The following PTPN1 variants were observed in gnomAD, a reference collection of about 807,000 sequenced individuals.
PTPN1 encodes protein tyrosine phosphatase non-receptor type 1, also known as tyrosine-protein phosphatase non-receptor type 1.
A neutral mutation model predicts 59.9 loss-of-function variants in PTPN1; 12 were observed. The ratio of observed to expected loss-of-function variants is 0.20; its 90% confidence interval spans 0.13 to 0.32. PTPN1 has a LOEUF of 0.32. PTPN1 is among the 10% of genes least tolerant of loss of function. The probability of loss-of-function intolerance (pLI) is 1.00; values close to 1 mark genes in which losing one functional copy is unlikely to be tolerated. For missense variants in PTPN1, 356 were observed against 549.2 expected (o/e 0.65, Z 3.52); for synonymous variants, 178 against 203.6 (o/e 0.87, Z 1.07).
intron 1 of PTPN1, among the ~76,000 whole-genome samples, chr20:50,522,752 T>C (rs1404169613): frequency 6.6e-6 from 1 of 152,022 alleles, no homozygotes. Flanking sequence ...AAGGTATTTG[T>C]ATTTATTTAT....
chr20:50,531,628 C>A (rs1480357334), intron 1 of PTPN1, among the ~76,000 whole-genome samples: 1 of 152,220 alleles, frequency 6.6e-6, no homozygotes, highest in Non-Finnish European at 1.5e-5. Flanking sequence ...CTGTCTGCCT[C>A]AGCCTCCCAA....
At chr20:50,561,956 T>C (rs1489894312) in intron 2 of PTPN1, among the ~76,000 whole-genome samples, 1 of 152,232 alleles carries the variant, frequency 6.6e-6, no homozygotes, top group Admixed American at 6.5e-5. Flanking sequence ...TTTCCTGCTG[T>C]TAGTTCTTCC....
At chr20:50,526,931 G>GA (rs1163919558) in intron 1 of PTPN1, among the ~76,000 whole-genome samples, 5 of 152,082 alleles carry the variant, frequency 3.3e-5, no homozygotes, top group Admixed American at 6.6e-5. Context: ...TGAGCCCCTA[G>GA]AAATCCAGTC....
At chr20:50,533,180 C>T (rs939181125) in intron 1 of PTPN1, among the ~76,000 whole-genome samples, 1 of 152,074 alleles carries the variant, frequency 6.6e-6, no homozygotes, top group Admixed American at 6.6e-5. Context: ...TTATTACATA[C>T]TAATTTTGCT....
rs1428994210 is a variant in PTPN1, at chr20:50,519,025, TGACA to T, written c.63+8437_63+8440del. Among the ~76,000 whole-genome samples, 4 of 152,342 alleles carry T rather than the reference TGACA, an allele frequency of 2.6e-5. No individual in the cohort carries two copies. In the East Asian group the frequency reaches 7.7e-4, roughly 29 times the overall value. ...TTCTAAATATTCCTTCATGTCTTAC[TGACA>T]GTTTTTCTTGAATAAATCTTAGGAA... On this transcript the variant is annotated intron_variant, in intron 1 of 9. Transcript: ENST00000371621.
chr20:50,517,194 C>T (rs1045985727), intron 1 of PTPN1, among the ~76,000 whole-genome samples: 6 of 152,196 alleles, frequency 3.9e-5, no homozygotes, highest in Non-Finnish European at 8.8e-5. Flanking sequence ...ACAAGTCACA[C>T]TACTACAAAT....
intron 1 of PTPN1, among the ~76,000 whole-genome samples, chr20:50,528,736 TA>T (rs766874557): frequency 0.034 from 3,876 of 115,278 alleles, 53 homozygotes; most frequent in African/African-American, 0.047. Flanking sequence ...GACTCCATCT[TA>T]AAAAAAAAAA....
intron 3 of PTPN1, among the ~76,000 whole-genome samples, chr20:50,566,017 C>T (rs538283188): frequency 6.6e-6 from 1 of 152,266 alleles, no homozygotes; most frequent in South Asian, 2.1e-4. Flanking sequence ...AAAATCAGCC[C>T]AGATGCTTCT....
intron 3 of PTPN1, among the ~76,000 whole-genome samples, chr20:50,567,030 A>C (rs185027367): frequency 6.6e-6 from 1 of 152,298 alleles, no homozygotes; most frequent in East Asian, 1.9e-4. Context: ...TGTCTTGTTC[A>C]GGTAGTAAGT....
chr20:50,572,336 T>C (rs988136781), intron 4 of PTPN1: 5 of 152,204 alleles, frequency 3.3e-5, no homozygotes, highest in African/African-American at 1.2e-4. Flanking sequence ...CTTTTAAAAA[T>C]TTTGTGTGTT....
Position 50,585,131 on chromosome 20 carries a change from C to T in PTPN1, c.*2416C>T, listed in dbSNP as rs2082894021. 1 of 152,176 alleles carries T rather than the reference C, an allele frequency of 6.6e-6. No individual in the cohort carries two copies. Among genetic ancestry groups the T allele is most frequent in the African/African-American group, 2.4e-5 (1 of 41,428 alleles). The allele number at this position is 152,176 out of a possible 1,614,324, so 9.4% of individuals were successfully genotyped here. On this transcript the variant is annotated 3_prime_UTR_variant, in exon 10 of 10. Transcript: ENST00000371621. Reference sequence around the variant, plus strand: ...AATTACCTGTAAGACACAATGGTTACCACATCTCAGTACGTAAAGTCCACT... The same window carrying T: ...AATTACCTGTAAGACACAATGGTTATCACATCTCAGTACGTAAAGTCCACT...
chr20:50,580,043 G>C lies in PTPN1; in HGVS notation c.1088+117G>C, dbSNP rs759238022. Reference sequence around the variant, plus strand: ...CCTCCTGTTGGCAAGCAGCGCTTCCGCATCCTTGGGGAACAGGGCGCGTGG... The same window carrying C: ...CCTCCTGTTGGCAAGCAGCGCTTCCCCATCCTTGGGGAACAGGGCGCGTGG... On this transcript the variant is annotated intron_variant, in intron 8 of 9. Transcript: ENST00000371621. 11 of 935,174 alleles carry C rather than the reference G, an allele frequency of 1.2e-5. No homozygotes were observed. The East Asian group carries it at 1.6e-4, about 13-fold the overall frequency. The allele number at this position is 935,174 out of a possible 1,614,324, so 57.9% of individuals were successfully genotyped here. A position where few individuals can be genotyped will look rare whatever the true frequency, so the allele number is the denominator to read the frequency against.
chr20:50,531,037 C>G (rs1317542277), intron 1 of PTPN1, among the ~76,000 whole-genome samples: 3 of 152,030 alleles, frequency 2.0e-5, no homozygotes, highest in African/African-American at 7.3e-5. Flanking sequence ...GAGACCCAGC[C>G]TTATTAGTGG....
intron 3 of PTPN1, among the ~76,000 whole-genome samples, chr20:50,567,836 G>A (rs577785892): frequency 6.6e-6 from 1 of 152,318 alleles, no homozygotes; most frequent in Admixed American, 6.5e-5. Flanking sequence ...GTATTCTAGG[G>A]ACTGTGCTAA....
At chr20:50,576,703 C>A (rs1223614641) in intron 5 of PTPN1, among the ~76,000 whole-genome samples, 2 of 150,082 alleles carry the variant, frequency 1.3e-5, no homozygotes, top group African/African-American at 4.9e-5. Flanking sequence ...CCCATCTCTA[C>A]TAAAAATACA....
intron 1 of PTPN1, among the ~76,000 whole-genome samples, chr20:50,534,840 G>A (rs1432443453): frequency 2.0e-5 from 3 of 151,938 alleles, no homozygotes; most frequent in East Asian, 1.9e-4. Flanking sequence ...ATCCTCCCAC[G>A]TCAGCCTCTG....
chr20:50,564,962 C>A lies in PTPN1; in HGVS notation c.155-7C>A, dbSNP rs2082772217. The A allele has an allele frequency of 3.7e-6, 6 of 1,613,234 alleles. No individual in the cohort carries two copies. The highest frequency in any genetic ancestry group is 5.1e-6 in the Non-Finnish European group (6 of 1,179,778). On this transcript the variant is annotated splice_region_variant and splice_polypyrimidine_tract_variant and intron_variant, in intron 2 of 9. Transcript: ENST00000371621. ...GATTAACCTCTGAGTTCTGGTTTGT[C>A]TTTCAGTTGACCATAGTCGGATTAA...
intron 8 of PTPN1, among the ~76,000 whole-genome samples, chr20:50,580,129 G>A (rs934806307): frequency 1.3e-5 from 2 of 152,218 alleles, no homozygotes; most frequent in Non-Finnish European, 2.9e-5. Context: ...GTGGCCGCAG[G>A]ACATGAGCCA....
intron 1 of PTPN1, among the ~76,000 whole-genome samples, chr20:50,559,880 TTTG>T (rs2082744187): frequency 6.6e-6 from 1 of 152,004 alleles, no homozygotes; most frequent in African/African-American, 2.4e-5. Flanking sequence ...TTTTCTGGTT[TTTG>T]TTTTTTGTTT....
Sources: allele counts gnomAD v4.1 joint callset (sites outside exome capture counted in the v4.1 genomes callset), GRCh38; gene constraint gnomAD v4.1.1; transcripts MANE v1.5; gene names NCBI Gene and HGNC (gene_info 2026-07-23, HGNC 2026-07-21).